HECW1: variants seen among roughly 807,000 people sequenced by gnomAD.
The protein encoded by HECW1 is HECT, C2 and WW domain containing E3 ubiquitin protein ligase 1.
In HECW1, 61 loss-of-function variants were observed where a neutral mutation model predicts 182.3. The ratio of observed to expected loss-of-function variants is 0.33; its 90% CI spans 0.27 to 0.41. The LOEUF (loss-of-function observed/expected upper bound fraction) is 0.41. Among genes scored for constraint, HECW1 ranks in the 10% least tolerant of loss-of-function variants. HECW1 has a pLI of 1.00. For missense variants in HECW1, 1,739 were observed against 2,108.9 expected (o/e 0.82, Z 3.44); for synonymous variants, 859 against 832.6 (o/e 1.03, Z -0.55).
intron 26 of HECW1, among the ~76,000 whole-genome samples, chr7:43,543,858 A>C (rs2081458337): frequency 6.6e-6 from 1 of 152,148 alleles, no homozygotes; most frequent in Non-Finnish European, 1.5e-5. Context: ...AACAGGCAAA[A>C]TACACTGTTC....
At chr7:43,274,537 C>A in intron 3 of HECW1, 5 of 562,106 alleles carry the variant, frequency 8.9e-6, no homozygotes, top group South Asian at 4.7e-5. Context: ...CAACAAGTGC[C>A]GCCGGGCCAC....
At chr7:43,509,706 T>C (rs1303793079) in intron 24 of HECW1, 2 of 152,312 alleles carry the variant, frequency 1.3e-5, no homozygotes, top group Non-Finnish European at 2.9e-5. Context: ...ATGTGGGTAT[T>C]AGAGGTCTCC....
At chr7:43,376,952 T>C (rs1489761416) in intron 6 of HECW1, among the ~76,000 whole-genome samples, 2 of 92,804 alleles carry the variant, frequency 2.2e-5, no homozygotes, top group East Asian at 2.7e-4. Context: ...GGTCACACTT[T>C]AGTGAAAAAA....
At chr7:43,250,867 C>T (rs1216409621) in intron 3 of HECW1, among the ~76,000 whole-genome samples, 1 of 152,328 alleles carries the variant, frequency 6.6e-6, no homozygotes, top group Non-Finnish European at 1.5e-5. Context: ...CTGGGCCCAC[C>T]CTCTGCTTAG....
intron 4 of HECW1, among the ~76,000 whole-genome samples, chr7:43,318,414 A>G (rs1809613461): frequency 6.6e-6 from 1 of 152,254 alleles, no homozygotes; most frequent in Non-Finnish European, 1.5e-5. Context: ...ATAAAAAGAC[A>G]GGCAAATTTT....
chr7:43,316,679 T>G (rs1809297946), intron 4 of HECW1, among the ~76,000 whole-genome samples: 1 of 148,988 alleles, frequency 6.7e-6, no homozygotes, highest in Non-Finnish European at 1.5e-5. Context: ...AGCCTCCTGG[T>G]AGAGAGCCTA....
intron 8 of HECW1, among the ~76,000 whole-genome samples, chr7:43,418,717 A>G (rs2076090570): frequency 6.6e-6 from 1 of 152,146 alleles, no homozygotes; most frequent in Admixed American, 6.5e-5. Context: ...TATATTCATC[A>G]TAAGTTAATA....
At chr7:43,519,976 C>T (rs2080379544) in intron 24 of HECW1, among the ~76,000 whole-genome samples, 1 of 152,150 alleles carries the variant, frequency 6.6e-6, no homozygotes, top group Non-Finnish European at 1.5e-5. Flanking sequence ...CAGGAGCCAG[C>T]CATGCCAGGA....
intron 3 of HECW1, among the ~76,000 whole-genome samples, chr7:43,246,957 G>T (rs1012240149): frequency 1.3e-5 from 2 of 152,124 alleles, no homozygotes; most frequent in Non-Finnish European, 2.9e-5. Context: ...TTAGGCCAAG[G>T]CACCCTAAAG....
intron 19 of HECW1, among the ~76,000 whole-genome samples, chr7:43,497,604 CA>C (rs1282763223): frequency 6.6e-6 from 1 of 152,062 alleles, no homozygotes; most frequent in African/African-American, 2.4e-5. Flanking sequence ...TAAGATGGAA[CA>C]GGGGCTATGC....
chr7:43,228,217 G>A (rs1797596408), intron 2 of HECW1, among the ~76,000 whole-genome samples: 1 of 152,158 alleles, frequency 6.6e-6, no homozygotes, highest in Non-Finnish European at 1.5e-5. Flanking sequence ...CAGGCACAGT[G>A]GCTCACGCCT....
intron 11 of HECW1, among the ~76,000 whole-genome samples, chr7:43,447,206 C>T (rs2077085562): frequency 6.6e-6 from 1 of 151,328 alleles, no homozygotes; most frequent in African/African-American, 2.4e-5. Context: ...TGACACTTTT[C>T]TTAGCTCAGA....
intron 6 of HECW1, among the ~76,000 whole-genome samples, chr7:43,395,060 C>T (rs1209832142): frequency 6.6e-6 from 1 of 150,656 alleles, no homozygotes; most frequent in East Asian, 2.0e-4. Flanking sequence ...TCTTGTGGTG[C>T]CAGCTGATCC....
chr7:43,323,447 A>T (rs1487484622), intron 5 of HECW1, among the ~76,000 whole-genome samples: 1 of 152,018 alleles, frequency 6.6e-6, no homozygotes, highest in Non-Finnish European at 1.5e-5. Flanking sequence ...TTAGTCACGT[A>T]TGATGATGTA....
intron 5 of HECW1, among the ~76,000 whole-genome samples, chr7:43,358,553 A>G (rs903386297): frequency 6.6e-6 from 1 of 152,246 alleles, no homozygotes; most frequent in African/African-American, 2.4e-5. Flanking sequence ...CAGGTAATGG[A>G]AAACCTGAGC....
intron 8 of HECW1, among the ~76,000 whole-genome samples, chr7:43,409,684 C>A (rs945051439): frequency 6.6e-6 from 1 of 152,190 alleles, no homozygotes. Flanking sequence ...CTAAAATATG[C>A]CTCATCTCAT....
intron 3 of HECW1, among the ~76,000 whole-genome samples, chr7:43,305,965 G>A (rs1371261317): frequency 6.6e-6 from 1 of 151,764 alleles, no homozygotes; most frequent in African/African-American, 2.4e-5. Flanking sequence ...TCTCCATGTT[G>A]GTCAAGCTGG....
chr7:43,469,100 G>A lies in HECW1; in HGVS notation c.3094G>A (p.Gly1032Arg), dbSNP rs373090671. ...RGWEIKTDQQ[G>R]KSFFVDHNSR... ...CTGGGAGATCAAAACGGACCAGCAG[G>A]GAAAGGTGAGTGTGACCCACGTGCG... Residue 1032 changes from glycine (G) to arginine (R), a missense_variant, in exon 16 of 30, where the codon GGA becomes AGA. Transcript: ENST00000395891. 6 of 1,613,614 alleles carry A rather than the reference G, an allele frequency of 3.7e-6. No individual in the cohort carries two copies. The highest frequency in any genetic ancestry group is 5.1e-6 in the Non-Finnish European group (6 of 1,179,966).
chr7:43,230,472 A>G (rs530152950), intron 2 of HECW1, among the ~76,000 whole-genome samples: 52 of 152,302 alleles, frequency 3.4e-4, no homozygotes, highest in African/African-American at 1.1e-3. Context: ...AAGATCTTGC[A>G]TCTTGGATTT....
Sources: gnomAD v4.1 joint callset for allele counts (sites outside exome capture counted in the v4.1 genomes callset) on GRCh38, gnomAD v4.1.1 for gene constraint, MANE v1.5 for transcripts, NCBI Gene and HGNC (gene_info 2026-07-23, HGNC 2026-07-21) for gene names.